SEMA6D: variants seen among roughly 807,000 people sequenced by gnomAD.
SEMA6D encodes the protein semaphorin 6D.
Under a neutral mutation model 106.6 loss-of-function variants are expected in SEMA6D, and 35 were observed. The observed-to-expected ratio is 0.33, with a 90% CI of 0.25 to 0.44. SEMA6D has a LOEUF of 0.44. Among genes scored for constraint, SEMA6D ranks in the 20% least tolerant of loss-of-function variants. The pLI is 1.00. For synonymous variants in SEMA6D, 499 were observed against 487.7 expected, an observed-to-expected ratio of 1.02 and a Z score of -0.31; for missense variants, 1,185 against 1,345.9, an observed-to-expected ratio of 0.88 and a Z score of 1.87.
intron 1 of SEMA6D, among the ~76,000 whole-genome samples, chr15:47,374,420 G>A (rs2039381634): frequency 6.6e-6 from 1 of 152,102 alleles, no homozygotes; most frequent in Non-Finnish European, 1.5e-5. Flanking sequence ...ATTCGTTAGG[G>A]GGAGCTGTTT....
chr15:47,730,679 G>C, intron 1 of SEMA6D: 1 of 1,608,708 alleles, frequency 6.2e-7, no homozygotes, highest in Admixed American at 1.7e-5. Context: ...TGGCGGTCCA[G>C]GGCCTGGGTG....
intron 1 of SEMA6D, among the ~76,000 whole-genome samples, chr15:47,745,071 A>G (rs530763347): frequency 2.6e-5 from 4 of 152,192 alleles, no homozygotes; most frequent in Non-Finnish European, 5.9e-5. Context: ...TGTTTGGGAT[A>G]AGATTAACAT....
At chr15:47,615,751 A>AT (rs2076996042) in intron 4 of SEMA6D, among the ~76,000 whole-genome samples, 1 of 152,230 alleles carries the variant, frequency 6.6e-6, no homozygotes, top group Non-Finnish European at 1.5e-5. Flanking sequence ...ATTCTATTTT[A>AT]TTTGACACTC....
chr15:47,211,029 T>G (rs1799793449), intron 1 of SEMA6D, among the ~76,000 whole-genome samples: 1 of 152,120 alleles, frequency 6.6e-6, no homozygotes, highest in Non-Finnish European at 1.5e-5. Context: ...AAATTGTACA[T>G]AAGTACAAAA....
intron 3 of SEMA6D, among the ~76,000 whole-genome samples, chr15:47,479,950 C>G (rs1236485870): frequency 6.7e-6 from 1 of 149,976 alleles, no homozygotes; most frequent in African/African-American, 2.5e-5. Context: ...TTCACCGCAG[C>G]CTTGACCTGG....
rs200404478 is a variant in SEMA6D, at chr15:47,227,929, TAA to T, written c.-239+43512_-239+43513del. 0.067 allele frequency among the ~76,000 whole-genome samples: 9,632 copies of T among 143,408 alleles called. 1,447 individuals are homozygous for T. In the East Asian group the frequency reaches 0.68, roughly 10 times the overall value. The allele number at this position is 143,408 out of a possible 152,430, so 94.1% of individuals were successfully genotyped here. ...GAATCTTATATATATTTTATATATATAAGAATCTTATATATATTTTTATATGT... is the reference window on the plus strand; with the variant it reads ...GAATCTTATATATATTTTATATATATGAATCTTATATATATTTTTATATGT... On this transcript the variant is annotated intron_variant, in intron 1 of 19. Transcript: ENST00000558014.
Position 47,688,280 on chromosome 15 carries a change from A to G in SEMA6D, c.-54-71465A>G, listed in dbSNP as rs568018746. The stretch of plus-strand genomic sequence containing the variant: ...AGCTGATCAGGTCATGCTGAGCATC[A>G]TACTGACTATTGGGTGCCATACTAG... On this transcript the variant is annotated intron_variant, in intron 4 of 19. Coordinates refer to the SEMA6D transcript ENST00000558014. Among the ~76,000 whole-genome samples, 31 of 152,280 alleles carry G rather than the reference A, an allele frequency of 2.0e-4. No homozygotes were observed. The South Asian group carries it at 6.0e-3, about 30-fold the overall frequency.
rs374037277 is a variant in SEMA6D at position 47,462,242 on chromosome 15, T to C, written c.-158-8232T>C. On this transcript the variant is annotated intron_variant, in intron 2 of 19. Transcript: ENST00000558014. ...TTTTTGTTTTGATTGTTTGGGGCTATTATTTAAAATTTAAGTCATTATGAC... is the reference window on the plus strand; with the variant it reads ...TTTTTGTTTTGATTGTTTGGGGCTACTATTTAAAATTTAAGTCATTATGAC... 2.2e-3 allele frequency among the ~76,000 whole-genome samples: 331 copies of C among 152,220 alleles called. 14 individuals carry two copies. In the South Asian group the frequency reaches 0.049, roughly 22 times the overall value.
At chr15:47,409,156 T>G (rs2040699026) in intron 1 of SEMA6D, among the ~76,000 whole-genome samples, 2 of 152,218 alleles carry the variant, frequency 1.3e-5, no homozygotes, top group Admixed American at 6.5e-5. Context: ...GCTGATAGTT[T>G]ATTTAAGCTT....
intron 1 of SEMA6D, among the ~76,000 whole-genome samples, chr15:47,229,960 A>G (rs1438102516): frequency 1.3e-5 from 2 of 152,140 alleles, no homozygotes; most frequent in African/African-American, 2.4e-5. Context: ...GCTTTTTAGT[A>G]TAAACCTGTT....
At chr15:47,557,916 G>A (rs995438619) in intron 3 of SEMA6D, among the ~76,000 whole-genome samples, 1 of 152,122 alleles carries the variant, frequency 6.6e-6, no homozygotes, top group Admixed American at 6.6e-5. Context: ...TCCTTGCCAT[G>A]AAGAGAAGCA....
chr15:47,331,025 G>T (rs1390743166), intron 1 of SEMA6D, among the ~76,000 whole-genome samples: 1 of 152,140 alleles, frequency 6.6e-6, no homozygotes, highest in African/African-American at 2.4e-5. Flanking sequence ...TGTGACAAAA[G>T]CATCAAGGTC....
intron 1 of SEMA6D, among the ~76,000 whole-genome samples, chr15:47,407,066 T>C (rs561795558): frequency 3.3e-5 from 5 of 151,906 alleles, no homozygotes; most frequent in African/African-American, 1.2e-4. Context: ...TAAGTGAAAA[T>C]AGTGAATGTT....
At chr15:47,552,118 C>G (rs1450570724) in intron 3 of SEMA6D, among the ~76,000 whole-genome samples, 1 of 151,918 alleles carries the variant, frequency 6.6e-6, no homozygotes, top group Non-Finnish European at 1.5e-5. Context: ...ATCTAAGTGC[C>G]CAATAGTAGA....
At chr15:47,708,177 T>A (rs911000395) in intron 4 of SEMA6D, among the ~76,000 whole-genome samples, 1 of 152,178 alleles carries the variant, frequency 6.6e-6, no homozygotes, top group South Asian at 2.1e-4. Context: ...CATCTTTTCC[T>A]AAAAAAATCT....
At position 47,607,573 on chromosome 15, in the gene SEMA6D, A is replaced by T. The variant is rs2076808255; in HGVS notation, c.-55+6677A>T. ...AGCAAGCAGACAGTTTGAGAAGGAG[A>T]GCATTATTGGCTTGAAGGGAAAAGT... On this transcript the variant is annotated intron_variant, in intron 4 of 19. Coordinates refer to the SEMA6D transcript ENST00000558014. 1.3e-5 allele frequency among the ~76,000 whole-genome samples: 2 copies of T among 152,218 alleles called. 1 individual carries two copies. The highest frequency in any genetic ancestry group is 4.1e-4 in the South Asian group (2 of 4,832).
chr15:47,513,816 TAA>T (rs2044304845), intron 3 of SEMA6D, among the ~76,000 whole-genome samples: 1 of 152,224 alleles, frequency 6.6e-6, no homozygotes, highest in South Asian at 2.1e-4. Flanking sequence ...CTATAACTTT[TAA>T]ATTGTTTAGG....
intron 1 of SEMA6D, among the ~76,000 whole-genome samples, chr15:47,219,304 T>G (rs763747087): frequency 6.6e-6 from 1 of 152,214 alleles, no homozygotes; most frequent in Non-Finnish European, 1.5e-5. Flanking sequence ...CCATGGATCC[T>G]GAGATGCCAT....
intron 3 of SEMA6D, among the ~76,000 whole-genome samples, chr15:47,525,799 T>G (rs1019119273): frequency 6.6e-6 from 1 of 152,162 alleles, no homozygotes; most frequent in African/African-American, 2.4e-5. Context: ...CAAGGGAGCC[T>G]TGCAGGGGTC....
Sources: gnomAD v4.1 joint callset for allele counts (sites outside exome capture counted in the v4.1 genomes callset) on GRCh38, gnomAD v4.1.1 for gene constraint, MANE v1.5 for transcripts, NCBI Gene and HGNC (gene_info 2026-07-23, HGNC 2026-07-21) for gene names.